Variants in TRAK1 observed in about 807,000 individuals in gnomAD.
The protein encoded by TRAK1 is trafficking kinesin-binding protein 1.
A neutral mutation model predicts 92.1 loss-of-function variants in TRAK1; 33 were observed. That is an observed-to-expected ratio of 0.36 (90% CI 0.27 to 0.48). TRAK1 has a LOEUF of 0.48. Among genes scored for constraint, TRAK1 ranks in the 20% least tolerant of loss-of-function variants. The pLI is 0.99. For synonymous variants in TRAK1, 521 were observed against 517.3 expected (o/e 1.01, Z -0.10); for missense variants, 1,123 against 1,257.9 (o/e 0.89, Z 1.62).
rs1013589947 is a variant in TRAK1, at chr3:42,107,341, C to T, written c.91+15781C>T. ...TCATCGTGGCCAACATGAGGAAACC[C>T]GTCTCTACTAAAATACGAAAATTAG... On this transcript the variant is annotated intron_variant, in intron 1 of 15. Coordinates refer to ENST00000327628, the MANE Select transcript of TRAK1 (RefSeq NM_001042646.3). Among the ~76,000 whole-genome samples the T allele has an allele frequency of 2.6e-5, 4 of 152,050 alleles. No homozygotes were observed. The East Asian group carries it at 5.8e-4, about 22-fold the overall frequency.
intron 2 of TRAK1, among the ~76,000 whole-genome samples, chr3:42,132,040 G>A (rs1697270512): frequency 1.3e-5 from 2 of 151,972 alleles, no homozygotes; most frequent in African/African-American, 4.8e-5. Context: ...CTGCACTCCA[G>A]CCTGGGCAAC....
At chr3:42,041,994 G>A (rs1464851785) in intron 1 of TRAK1, among the ~76,000 whole-genome samples, 3 of 152,136 alleles carry the variant, frequency 2.0e-5, no homozygotes, top group Admixed American at 6.5e-5. Context: ...GTTTTTCCAT[G>A]TTGGTCAGGC....
At chr3:42,137,632 A>G (rs1698113431) in intron 2 of TRAK1, among the ~76,000 whole-genome samples, 1 of 152,210 alleles carries the variant, frequency 6.6e-6, no homozygotes. Flanking sequence ...TTGTGGGGGA[A>G]AGCAGTAACG....
intron 2 of TRAK1, among the ~76,000 whole-genome samples, chr3:42,157,388 G>A (rs1174644768): frequency 7.0e-6 from 1 of 142,740 alleles, no homozygotes. Flanking sequence ...GAGCCTAGAG[G>A]TCGAGGCTGC....
chr3:42,049,687 C>G (rs1234482094), intron 1 of TRAK1, among the ~76,000 whole-genome samples: 1 of 151,842 alleles, frequency 6.6e-6, no homozygotes, highest in Non-Finnish European at 1.5e-5. Context: ...CAGCTTTATC[C>G]TTAGTCCTTT....
chr3:42,029,734 G>T (rs1009895450), intron 1 of TRAK1, among the ~76,000 whole-genome samples: 4 of 151,964 alleles, frequency 2.6e-5, no homozygotes, highest in Admixed American at 2.6e-4. Context: ...ATTTTTAGTA[G>T]AGACGAGGTT....
chr3:42,060,197 G>T (rs1173310858), intron 1 of TRAK1, among the ~76,000 whole-genome samples: 1 of 151,946 alleles, frequency 6.6e-6, no homozygotes, highest in Middle Eastern at 3.2e-3. Context: ...TGGGAGAGAG[G>T]GGAAATAAAC....
chr3:42,178,244 C>A (rs1703482476), intron 3 of TRAK1, among the ~76,000 whole-genome samples: 1 of 152,110 alleles, frequency 6.6e-6, no homozygotes. Flanking sequence ...TGTAGCTTCT[C>A]TCTGCTTTAC....
At chr3:42,020,920 G>C (rs886337547) in intron 1 of TRAK1, among the ~76,000 whole-genome samples, 2 of 152,158 alleles carry the variant, frequency 1.3e-5, no homozygotes, top group Admixed American at 6.6e-5. Flanking sequence ...TTTTTACTTA[G>C]TGTGAGATCC....
intron 1 of TRAK1, among the ~76,000 whole-genome samples, chr3:42,023,157 C>CA (rs371646962): frequency 0.073 from 8,156 of 111,732 alleles, 768 homozygotes; most frequent in African/African-American, 0.16. Context: ...GACTGCATCT[C>CA]AAAAAAAAAA....
At position 42,204,067 on chromosome 3, in the gene TRAK1, T is replaced by TA. The variant is rs1708039161; in HGVS notation, c.1744+1316dup. 1.0e-5 allele frequency: 10 copies of TA among 985,540 alleles called. 1 individual carries two copies. In the South Asian group the frequency reaches 4.7e-4, roughly 46 times the overall value. The allele number at this position is 985,540 out of a possible 1,614,324, so 61.0% of individuals were successfully genotyped here. On this transcript the variant is annotated intron_variant, in intron 13 of 15. Transcript: ENST00000327628. ...AAAATTGTATAATTGGGGTCTTTCT[T>TA]AGAGTTCAGAAAAGGTATAGCTTAC...
At chr3:42,209,043 T>C (rs967140463) in intron 13 of TRAK1, among the ~76,000 whole-genome samples, 2 of 152,218 alleles carry the variant, frequency 1.3e-5, no homozygotes, top group Non-Finnish European at 2.9e-5. Context: ...CATGATGTCA[T>C]GTGAGTCCTG....
chr3:42,100,194 C>T (rs549937857), intron 1 of TRAK1, among the ~76,000 whole-genome samples: 7 of 152,164 alleles, frequency 4.6e-5, no homozygotes, highest in Non-Finnish European at 8.8e-5. Context: ...AGTGAGACTC[C>T]CATCTCTACA....
intron 1 of TRAK1, among the ~76,000 whole-genome samples, chr3:42,042,223 G>A (rs112784949): frequency 0.074 from 11,217 of 151,346 alleles, 474 homozygotes; most frequent in Middle Eastern, 0.21. Flanking sequence ...CATCGAGCTC[G>A]GCCTGTTTCT....
rs1706278561 is a variant in TRAK1, at chr3:42,098,574, G to A, written c.91+7014G>A. 2.6e-5 allele frequency among the ~76,000 whole-genome samples: 4 copies of A among 152,330 alleles called. No homozygotes were observed. The South Asian group carries it at 8.3e-4, about 32-fold the overall frequency. The stretch of plus-strand genomic sequence containing the variant: ...CTGACCTGCGGGAGAGAGGGAGGGA[G>A]AAAGAGAACAGAGAGCTCCAGCCAG... On this transcript the variant is annotated intron_variant, in intron 1 of 15. Coordinates refer to ENST00000327628, the MANE Select transcript of TRAK1 (RefSeq NM_001042646.3).
At chr3:42,051,116 G>C (rs902421545) in intron 1 of TRAK1, 4 of 152,226 alleles carry the variant, frequency 2.6e-5, no homozygotes, top group Non-Finnish European at 5.9e-5. Flanking sequence ...CAGTCTACCT[G>C]CCTTGGTCTC....
At chr3:42,150,363 G>A (rs1456230398) in intron 2 of TRAK1, among the ~76,000 whole-genome samples, 1 of 152,118 alleles carries the variant, frequency 6.6e-6, no homozygotes, top group Non-Finnish European at 1.5e-5. Flanking sequence ...AGTGGGCGGG[G>A]TCTCAGGTTC....
At chr3:42,220,930 C>CT (rs1559407654) in intron 15 of TRAK1, among the ~76,000 whole-genome samples, 1 of 152,142 alleles carries the variant, frequency 6.6e-6, no homozygotes, top group Non-Finnish European at 1.5e-5. Context: ...TGGAACCAAG[C>CT]TTCTCCCTAT....
chr3:42,199,067 T>A (rs1050612873), intron 10 of TRAK1, 110 bp from the exon 11 acceptor site: 21 of 1,060,922 alleles, frequency 2.0e-5, no homozygotes, highest in Non-Finnish European at 2.8e-5. Context: ...GACCGTGAGC[T>A]TCTGATGCCT....
Sources: gnomAD v4.1 joint callset for allele counts (sites outside exome capture counted in the v4.1 genomes callset) on GRCh38, gnomAD v4.1.1 for gene constraint, MANE v1.5 for transcripts, NCBI Gene and HGNC (gene_info 2026-07-23, HGNC 2026-07-21) for gene names.